The following PREX1 variants were observed in gnomAD, a reference collection of about 807,000 sequenced individuals.
The protein encoded by PREX1 is phosphatidylinositol-3,4,5-trisphosphate dependent Rac exchange factor 1, also known as phosphatidylinositol 3,4,5-trisphosphate-dependent Rac exchanger 1 protein.
Under a neutral mutation model 198.3 loss-of-function variants are expected in PREX1, and 41 were observed. The observed-to-expected ratio is 0.21, with a 90% confidence interval of 0.16 to 0.27. PREX1 has a LOEUF of 0.27. PREX1 is among the 10% of genes least tolerant of loss of function. The probability of loss-of-function intolerance (pLI) is 1.00; values close to 1 mark genes in which losing one functional copy is unlikely to be tolerated. For synonymous variants in PREX1, 843 were observed against 887.2 expected (o/e 0.95, Z 0.89); for missense variants, 1,620 against 2,200.7 (o/e 0.74, Z 5.28).
chr20:48,670,105 C>G (rs2089665423), intron 14 of PREX1, among the ~76,000 whole-genome samples: 1 of 152,214 alleles, frequency 6.6e-6, no homozygotes, highest in Admixed American at 6.5e-5. Flanking sequence ...CAAGCTTACA[C>G]AGTAACAATG....
rs117192172 is a variant in PREX1, at chr20:48,734,494, A to C, written c.519+52T>G. The C allele has an allele frequency of 2.2e-3, 3,273 of 1,504,912 alleles. 47 individuals are homozygous for C. In the East Asian group the frequency reaches 0.041, roughly 19 times the overall value. 93.2% of individuals were successfully genotyped at this position (1,504,912 alleles called of 1,614,324 possible). On this transcript the variant is annotated intron_variant, in intron 4 of 39. Transcript: ENST00000371941. The stretch of plus-strand genomic sequence containing the variant: ...TGAAGTCCTCTTGTGCCCAGATTCC[A>C]CAAGGATGAGGCCGAGTGCAAGGGA...
intron 4 of PREX1, among the ~76,000 whole-genome samples, chr20:48,733,425 A>G (rs1367533167): frequency 6.6e-6 from 1 of 152,184 alleles, no homozygotes; most frequent in African/African-American, 2.4e-5. Context: ...TGAGCCAACG[A>G]GCATCAGACC....
At chr20:48,828,252 G>A (rs1297027468), upstream of PREX1, among the ~76,000 whole-genome samples, 2 of 151,586 alleles carry the variant, frequency 1.3e-5, no homozygotes, top group African/African-American at 4.8e-5. Context: ...AGGGCCCCGC[G>A]GAGCCGGGAG....
intron 1 of PREX1, among the ~76,000 whole-genome samples, chr20:48,808,427 G>A (rs868186450): frequency 3.3e-5 from 5 of 152,302 alleles, no homozygotes; most frequent in Middle Eastern, 3.4e-3. Flanking sequence ...CACACAGCTC[G>A]TGAGCAGCAC....
intron 35 of PREX1, among the ~76,000 whole-genome samples, chr20:48,631,871 C>G (rs1461317506): frequency 6.6e-6 from 1 of 152,138 alleles, no homozygotes; most frequent in Non-Finnish European, 1.5e-5. Context: ...TCTGAGCAGC[C>G]AAGACCCTGG....
chr20:48,637,193 C>T (rs963832573), intron 31 of PREX1, among the ~76,000 whole-genome samples: 4 of 152,260 alleles, frequency 2.6e-5, no homozygotes, highest in African/African-American at 9.6e-5. Context: ...TGGCCAGTTT[C>T]AAGCAATTGG....
intron 1 of PREX1, among the ~76,000 whole-genome samples, chr20:48,779,660 C>A (rs764238645): frequency 6.6e-6 from 1 of 152,170 alleles, no homozygotes; most frequent in African/African-American, 2.4e-5. Context: ...GAGTACTACT[C>A]GGTAATGAAA....
At chr20:48,833,225 T>G in the PREX1 span, among the ~76,000 whole-genome samples, 1 of 152,154 alleles carries the variant, frequency 6.6e-6, no homozygotes, top group Non-Finnish European at 1.5e-5. Flanking sequence ...AGCCATGATG[T>G]CTGGAGCTAT....
chr20:48,669,822 C>A (rs2089663256), intron 14 of PREX1, among the ~76,000 whole-genome samples: 1 of 152,060 alleles, frequency 6.6e-6, no homozygotes. Flanking sequence ...CTGGAGAGAA[C>A]CACTGAGGAA....
the PREX1 span, among the ~76,000 whole-genome samples, chr20:48,876,588 A>G: frequency 5.9e-5 from 9 of 151,990 alleles, 1 homozygote; most frequent in Non-Finnish European, 8.8e-5. Flanking sequence ...GTCACCCTGG[A>G]TTTTTAACAT....
chr20:48,661,175 T>G (rs1372517510), intron 15 of PREX1, among the ~76,000 whole-genome samples: 3 of 151,822 alleles, frequency 2.0e-5, no homozygotes, highest in Non-Finnish European at 4.4e-5. Context: ...TCCCAGCACT[T>G]TGAGAGGTCG....
At chr20:48,636,112 C>T (rs1260942350) in intron 32 of PREX1, among the ~76,000 whole-genome samples, 1 of 152,214 alleles carries the variant, frequency 6.6e-6, no homozygotes, top group Non-Finnish European at 1.5e-5. Context: ...CCACCTCAGG[C>T]CCTCAGTTGT....
chr20:48,716,078 G>T (rs990746796), intron 5 of PREX1, among the ~76,000 whole-genome samples: 2 of 152,140 alleles, frequency 1.3e-5, no homozygotes, highest in African/African-American at 4.8e-5. Context: ...AGGTCCTGGG[G>T]ATCCTTTAGA....
chr20:48,771,913 G>A (rs1359072709), intron 1 of PREX1, among the ~76,000 whole-genome samples: 1 of 152,186 alleles, frequency 6.6e-6, no homozygotes, highest in Non-Finnish European at 1.5e-5. Context: ...ATGTGTCTAG[G>A]CTGGGCGCGG....
At chr20:48,770,221 G>A (rs983169919) in intron 1 of PREX1, among the ~76,000 whole-genome samples, 1 of 152,188 alleles carries the variant, frequency 6.6e-6, no homozygotes, top group African/African-American at 2.4e-5. Flanking sequence ...CACATGTTTT[G>A]CCCAGGAGGT....
rs116431657 is a variant in PREX1 at position 48,750,185 on chromosome 20, T to C, written c.220-2305A>G. ...ATACATCAGCAAATGTTACCAGCTTTACCTGAATACTACAACCACTGGTCC... is the reference window on the plus strand; with the variant it reads ...ATACATCAGCAAATGTTACCAGCTTCACCTGAATACTACAACCACTGGTCC... On this transcript the variant is annotated intron_variant, in intron 1 of 39. Coordinates refer to ENST00000371941, the MANE Select transcript of PREX1 (RefSeq NM_020820.4). 2.4e-3 allele frequency among the ~76,000 whole-genome samples: 362 copies of C among 152,242 alleles called. 5 individuals carry two copies. Among genetic ancestry groups the C allele is most frequent in the African/African-American group, 8.4e-3 (350 of 41,526 alleles).
At chr20:48,798,302 C>A (rs2090371835) in intron 1 of PREX1, among the ~76,000 whole-genome samples, 2 of 152,186 alleles carry the variant, frequency 1.3e-5, no homozygotes, top group Admixed American at 6.5e-5. Context: ...TCCAAGCCAC[C>A]ACCATCCCTC....
intron 14 of PREX1, among the ~76,000 whole-genome samples, chr20:48,672,659 G>A (rs77048867): frequency 0.099 from 15,008 of 152,220 alleles, 883 homozygotes; most frequent in South Asian, 0.16. Flanking sequence ...TACCTGGCTC[G>A]CTCTGCCTAA....
chr20:48,690,519 C>A (rs939163639), intron 9 of PREX1, among the ~76,000 whole-genome samples: 6 of 152,096 alleles, frequency 3.9e-5, no homozygotes, highest in African/African-American at 1.4e-4. Context: ...AGCCCCTGCA[C>A]TTCCTCATGT....
Sources: allele counts gnomAD v4.1 joint callset (sites outside exome capture counted in the v4.1 genomes callset), GRCh38; gene constraint gnomAD v4.1.1; transcripts MANE v1.5; gene names NCBI Gene and HGNC (gene_info 2026-07-23, HGNC 2026-07-21).